Variants in FRMPD4 observed in about 807,000 individuals in gnomAD.
The protein encoded by FRMPD4 is FERM and PDZ domain containing 4.
Under a neutral mutation model 94.1 loss-of-function variants are expected in FRMPD4, and 22 were observed. That is an observed-to-expected ratio of 0.23 (90% CI 0.17 to 0.33). FRMPD4 has a LOEUF of 0.33. FRMPD4 is among the 10% of genes least tolerant of loss of function. The pLI, the probability that FRMPD4 is intolerant of heterozygous loss-of-function variation, is 1.00. For synonymous variants in FRMPD4, 631 were observed against 548.6 expected, an observed-to-expected ratio of 1.15 and a Z score of -2.10; for missense variants, 1,111 against 1,339.9, an observed-to-expected ratio of 0.83 and a Z score of 2.67.
chrX:12,050,401 T>C (rs2054810306), intron 3 of FRMPD4, among the ~76,000 whole-genome samples: 1 of 112,020 alleles, frequency 8.9e-6, no homozygotes, highest in African/African-American at 3.2e-5. Flanking sequence ...GTTTGTTGCC[T>C]AGGAACAATA....
At chrX:12,513,118 C>T (rs1214899779) in intron 2 of FRMPD4, among the ~76,000 whole-genome samples, 1 of 111,903 alleles carries the variant, frequency 8.9e-6, no homozygotes, top group Non-Finnish European at 1.9e-5. Flanking sequence ...GGATATGAGA[C>T]CTTTGTCAGA....
chrX:11,838,436 AAAAC>A (rs2053514259), intron 1 of FRMPD4, among the ~76,000 whole-genome samples: 1 of 111,932 alleles, frequency 8.9e-6, no homozygotes, highest in Non-Finnish European at 1.9e-5. Flanking sequence ...CAAAATGGCA[AAAAC>A]AAACCATATA....
chrX:11,851,668 C>T (rs1221323403), intron 1 of FRMPD4, among the ~76,000 whole-genome samples: 1 of 111,419 alleles, frequency 9.0e-6, no homozygotes, highest in Admixed American at 9.5e-5. Context: ...TTAATCATTC[C>T]TTTCCCTGTT....
At chrX:12,561,873 C>T (rs940205217) in intron 2 of FRMPD4, among the ~76,000 whole-genome samples, 7 of 112,269 alleles carry the variant, frequency 6.2e-5, no homozygotes, top group African/African-American at 2.3e-4. Context: ...TCTAATAGCT[C>T]TCACTGACTC....
At chrX:12,481,247 C>T (rs1159736932) in intron 1 of FRMPD4, among the ~76,000 whole-genome samples, 3 of 110,983 alleles carry the variant, frequency 2.7e-5, no homozygotes, top group Non-Finnish European at 5.7e-5. Flanking sequence ...TCATAGCCAC[C>T]ACTCCCTCTA....
At chrX:12,123,025 C>T (rs991470864) in intron 3 of FRMPD4, among the ~76,000 whole-genome samples, 7 of 110,866 alleles carry the variant, frequency 6.3e-5, no homozygotes, top group Admixed American at 3.8e-4. Context: ...AGGACCCAAC[C>T]ACCTAAGTTC....
chrX:12,126,794 G>T (rs2055504129), intron 3 of FRMPD4, among the ~76,000 whole-genome samples: 1 of 111,624 alleles, frequency 9.0e-6, no homozygotes, highest in Non-Finnish European at 1.9e-5. Flanking sequence ...CGGCTATTCT[G>T]TTTTAGATGC....
intron 1 of FRMPD4, among the ~76,000 whole-genome samples, chrX:12,415,488 C>T (rs181927087): frequency 1.2e-4 from 13 of 111,598 alleles, no homozygotes; most frequent in Non-Finnish European, 2.3e-4. Context: ...GATTTTGCAC[C>T]AGAATTCATC....
In FRMPD4 at chrX:12,721,724, C is replaced by A; in HGVS notation, c.5155C>A (p.Leu1719Met). The change falls in exon 17 of 17, where the codon CTG (leucine) becomes ATG (methionine). Residue 1719 changes from leucine to methionine, a missense_variant. Coordinates refer to ENST00000675598, the MANE Select transcript of FRMPD4 (RefSeq NM_001368397.1). Reference sequence around the variant, plus strand: ...AGTGGTCATAAATTACATTTGTCTACTGAAAGCTGCCGAAGCAGCCACTGG... The same window carrying A: ...AGTGGTCATAAATTACATTTGTCTAATGAAAGCTGCCGAAGCAGCCACTGG... ...DEVVINYICL[L>M]KAAEAATGKN... 1.3e-6 allele frequency: 1 copy of A among 755,157 alleles called. No individual in the cohort carries two copies. Among genetic ancestry groups the A allele is most frequent in the South Asian group, 6.7e-5 (1 of 14,817 alleles). 62.2% of individuals were successfully genotyped at this position (755,157 alleles called of 1,213,427 possible).
chrX:12,610,002 T>C, intron 3 of FRMPD4, 121 bp downstream of exon 3: 1 of 648,408 alleles, frequency 1.5e-6, no homozygotes, highest in Non-Finnish European at 2.3e-6. Context: ...TTCCAAAACC[T>C]GGATAGAGTC....
intron 1 of FRMPD4, among the ~76,000 whole-genome samples, chrX:11,844,587 G>A (rs779226850): frequency 1.4e-3 from 153 of 110,610 alleles, no homozygotes; most frequent in Non-Finnish European, 2.1e-3. Flanking sequence ...TGTTTTTGAT[G>A]AGAAATTAGC....
At chrX:12,538,581 G>A (rs1277684481) in intron 2 of FRMPD4, among the ~76,000 whole-genome samples, 1 of 111,677 alleles carries the variant, frequency 9.0e-6, no homozygotes, top group African/African-American at 3.3e-5. Flanking sequence ...CCCCCAGTAG[G>A]GGCAGACTGA....
intron 3 of FRMPD4, among the ~76,000 whole-genome samples, chrX:11,977,449 T>C (rs926910375): frequency 8.9e-6 from 1 of 112,284 alleles, no homozygotes; most frequent in Admixed American, 9.4e-5. Context: ...GTAGGATATG[T>C]GAAATCATAT....
chrX:12,646,433 G>A (rs1745731595), intron 4 of FRMPD4, among the ~76,000 whole-genome samples: 2 of 111,602 alleles, frequency 1.8e-5, no homozygotes. Context: ...AATTTTTCTA[G>A]GTTGAGGCTA....
intron 1 of FRMPD4, among the ~76,000 whole-genome samples, chrX:11,852,206 C>T (rs750513730): frequency 1.4e-4 from 16 of 110,356 alleles, no homozygotes; most frequent in Non-Finnish European, 2.7e-4. Flanking sequence ...TGCTTACTAA[C>T]ATCTGGGCCA....
intron 1 of FRMPD4, among the ~76,000 whole-genome samples, chrX:12,484,777 A>G (rs989323714): frequency 6.2e-5 from 7 of 112,260 alleles, no homozygotes; most frequent in Non-Finnish European, 1.1e-4. Flanking sequence ...GATAACTAGT[A>G]TAACTTATAA....
At chrX:11,927,029 CT>C (rs1373311721) in intron 3 of FRMPD4, among the ~76,000 whole-genome samples, 1 of 111,429 alleles carries the variant, frequency 9.0e-6, no homozygotes, top group African/African-American at 3.3e-5. Context: ...GCTTCTTAAG[CT>C]GATAAACAAC....
chrX:12,005,126 GTCTT>G (rs1234064144), intron 3 of FRMPD4, among the ~76,000 whole-genome samples: 1 of 111,448 alleles, frequency 9.0e-6, no homozygotes, highest in Admixed American at 9.5e-5. Flanking sequence ...TAAACCAAAT[GTCTT>G]TCTATGTTAT....
intron 1 of FRMPD4, among the ~76,000 whole-genome samples, chrX:12,354,003 G>T (rs1373123117): frequency 8.9e-6 from 1 of 111,925 alleles, no homozygotes. Context: ...AAAGAAACGT[G>T]CCAGGATCAT....
Sources: allele counts gnomAD v4.1 joint callset (sites outside exome capture counted in the v4.1 genomes callset), GRCh38; gene constraint gnomAD v4.1.1; transcripts MANE v1.5; gene names NCBI Gene and HGNC (gene_info 2026-07-23, HGNC 2026-07-21).